Variants in DOK5 observed in about 807,000 individuals in gnomAD.
DOK5 encodes downstream of tyrosine kinase 5.
In DOK5, 27 loss-of-function variants were observed where a neutral mutation model predicts 43.3. That is an observed-to-expected ratio of 0.62 (90% CI 0.46 to 0.86). The LOEUF (loss-of-function observed/expected upper bound fraction) is 0.86. Ranked by LOEUF, DOK5 falls within the 40% of genes least tolerant of loss-of-function variation. DOK5 has a pLI of 0.00. For missense variants in DOK5, 373 were observed against 392.9 expected (o/e 0.95, Z 0.43); for synonymous variants, 146 against 140.1 (o/e 1.04, Z -0.30).
At chr20:54,529,194 G>A (rs549255925) in intron 1 of DOK5, among the ~76,000 whole-genome samples, 26 of 152,156 alleles carry the variant, frequency 1.7e-4, no homozygotes, top group Non-Finnish European at 3.2e-4. Context: ...AAAGGCATTA[G>A]GGTGTTAAGG....
chr20:54,628,774 C>G (rs1198846369), intron 6 of DOK5, among the ~76,000 whole-genome samples: 1 of 152,148 alleles, frequency 6.6e-6, no homozygotes, highest in African/African-American at 2.4e-5. Context: ...TGCCCCTCAC[C>G]AAACCATACA....
chr20:54,603,435 G>T (rs1046342715), intron 5 of DOK5, among the ~76,000 whole-genome samples: 2 of 152,220 alleles, frequency 1.3e-5, no homozygotes, highest in African/African-American at 4.8e-5. Context: ...GAATGTCCTT[G>T]TCATCCCAGT....
At chr20:54,625,333 G>T (rs116380119) in intron 6 of DOK5, among the ~76,000 whole-genome samples, 3,038 of 152,264 alleles carry the variant, frequency 0.02, 107 homozygotes, top group African/African-American at 0.069. Flanking sequence ...CCTCATAGAG[G>T]TTCTAATCTC....
chr20:54,623,711 C>A (rs1391109747), intron 6 of DOK5, among the ~76,000 whole-genome samples: 1 of 152,088 alleles, frequency 6.6e-6, no homozygotes, highest in Non-Finnish European at 1.5e-5. Context: ...TCCTGACTAG[C>A]TGGGACTACA....
At chr20:54,481,194 G>C (rs550904533) in intron 1 of DOK5, among the ~76,000 whole-genome samples, 16 of 148,534 alleles carry the variant, frequency 1.1e-4, no homozygotes, top group Non-Finnish European at 2.2e-4. Flanking sequence ...TTTTTTGGCG[G>C]AGTCTTGCTC....
At chr20:54,606,507 C>G (rs1025517066) in intron 5 of DOK5, among the ~76,000 whole-genome samples, 4 of 152,168 alleles carry the variant, frequency 2.6e-5, no homozygotes, top group African/African-American at 9.7e-5. Context: ...TCTCTGGAGA[C>G]GAGAAGCAGA....
chr20:54,637,848 C>T (rs1365584170), intron 6 of DOK5, among the ~76,000 whole-genome samples: 20 of 152,196 alleles, frequency 1.3e-4, no homozygotes, highest in Non-Finnish European at 2.9e-5. Flanking sequence ...TTTGGCCGGG[C>T]GCGGTGGCTC....
intron 1 of DOK5, among the ~76,000 whole-genome samples, chr20:54,524,383 T>A: frequency 6.6e-6 from 1 of 152,212 alleles, no homozygotes; most frequent in East Asian, 1.9e-4. Context: ...GCAATGAACA[T>A]GAGCAGGACT....
At chr20:54,551,774 T>C (rs953742465) in intron 1 of DOK5, among the ~76,000 whole-genome samples, 1 of 152,234 alleles carries the variant, frequency 6.6e-6, no homozygotes, top group Non-Finnish European at 1.5e-5. Context: ...ATTATACTAA[T>C]ACCTCTGGGT....
chr20:54,532,361 A>G (rs977079625), intron 1 of DOK5, among the ~76,000 whole-genome samples: 43 of 152,208 alleles, frequency 2.8e-4, no homozygotes, highest in African/African-American at 1.0e-3. Flanking sequence ...GCTTCTCCCT[A>G]TTCTGTGTTT....
intron 2 of DOK5, among the ~76,000 whole-genome samples, chr20:54,563,306 G>T (rs1008366411): frequency 6.6e-6 from 1 of 152,262 alleles, no homozygotes; most frequent in Admixed American, 6.5e-5. Flanking sequence ...AATCACCATT[G>T]TCATTCCCTG....
chr20:54,646,651 C>T (rs1363450218), intron 7 of DOK5, among the ~76,000 whole-genome samples: 4 of 152,058 alleles, frequency 2.6e-5, no homozygotes, highest in Non-Finnish European at 5.9e-5. Context: ...TCAAAAGTGG[C>T]TATTTAAACA....
rs1033941254 is a variant in DOK5 at position 54,481,246 on chromosome 20, T to C, written c.66+5234T>C. ...GTGTAGTGGCGTGATCTCAGCTCAC[T>C]GCAGCCTCTGCCTCCTGGGTTCAAG... On this transcript the variant is annotated intron_variant, in intron 1 of 7. Coordinates refer to ENST00000262593, the MANE Select transcript of DOK5 (RefSeq NM_018431.5). Among the ~76,000 whole-genome samples, 9 of 152,276 alleles carry C rather than the reference T, an allele frequency of 5.9e-5. No homozygotes were observed. In the South Asian group the frequency reaches 1.7e-3, roughly 28 times the overall value.
chr20:54,618,610 T>G (rs1986889047), intron 6 of DOK5, among the ~76,000 whole-genome samples: 1 of 152,228 alleles, frequency 6.6e-6, no homozygotes, highest in Admixed American at 6.5e-5. Flanking sequence ...CCCAAAGTGC[T>G]GGGACCACAG....
At chr20:54,599,376 C>T (rs1468244300) in intron 5 of DOK5, among the ~76,000 whole-genome samples, 1 of 152,214 alleles carries the variant, frequency 6.6e-6, no homozygotes, top group African/African-American at 2.4e-5. Flanking sequence ...ATAATGCACA[C>T]ATTATAAATA....
intron 1 of DOK5, among the ~76,000 whole-genome samples, chr20:54,500,561 T>C (rs1016617923): frequency 7.0e-6 from 1 of 143,416 alleles, no homozygotes; most frequent in African/African-American, 2.9e-5. Context: ...CAGTGTATTT[T>C]TTTTTTTTTT....
chr20:54,548,364 C>A (rs1031477730), intron 1 of DOK5, among the ~76,000 whole-genome samples: 17 of 152,010 alleles, frequency 1.1e-4, no homozygotes, highest in African/African-American at 3.6e-4. Context: ...GCTTCCCAAG[C>A]AGCTGGGACT....
chr20:54,635,818 T>C (rs374620608), intron 6 of DOK5, among the ~76,000 whole-genome samples: 6 of 152,366 alleles, frequency 3.9e-5, no homozygotes, highest in African/African-American at 1.2e-4. Flanking sequence ...ACCACTGATC[T>C]ATGTTCTCTC....
At chr20:54,622,062 C>T (rs761967019) in intron 6 of DOK5, among the ~76,000 whole-genome samples, 10 of 151,796 alleles carry the variant, frequency 6.6e-5, no homozygotes, top group African/African-American at 2.4e-4. Flanking sequence ...GGCGTGGTGG[C>T]GCATGCCTGT....
Sources: allele counts gnomAD v4.1 joint callset (sites outside exome capture counted in the v4.1 genomes callset), GRCh38; gene constraint gnomAD v4.1.1; transcripts MANE v1.5; gene names NCBI Gene and HGNC (gene_info 2026-07-23, HGNC 2026-07-21).